Variants in RBPJ observed in about 807,000 individuals in gnomAD.
The protein encoded by RBPJ is recombining binding protein suppressor of hairless.
Under a neutral mutation model 67.8 loss-of-function variants are expected in RBPJ, and 9 were observed. That is an observed-to-expected ratio of 0.13 (90% confidence interval 0.08 to 0.23). The LOEUF is 0.23. Ranked by LOEUF, RBPJ falls within the 10% of genes least tolerant of loss-of-function variation. RBPJ has a pLI of 1.00. For missense variants in RBPJ, 305 were observed against 595.6 expected, an observed-to-expected ratio of 0.51 and a Z score of 5.08; for synonymous variants, 198 against 203.3, an observed-to-expected ratio of 0.97 and a Z score of 0.22.
intron 1 of RBPJ, among the ~76,000 whole-genome samples, chr4:26,250,967 C>A (rs775656653): frequency 6.6e-6 from 1 of 152,136 alleles, no homozygotes; most frequent in Non-Finnish European, 1.5e-5. Context: ...ATGATGTAAA[C>A]GCATTTCTTA....
chr4:26,197,380 AC>A (rs1235204414), intron 1 of RBPJ, among the ~76,000 whole-genome samples: 1 of 152,216 alleles, frequency 6.6e-6, no homozygotes, highest in Non-Finnish European at 1.5e-5. Context: ...ACCATCCAGT[AC>A]AGCTAAGGAA....
At chr4:26,260,351 G>A (rs1232675673) in intron 1 of RBPJ, among the ~76,000 whole-genome samples, 1 of 151,990 alleles carries the variant, frequency 6.6e-6, no homozygotes, top group Non-Finnish European at 1.5e-5. Flanking sequence ...AAAAATAAAG[G>A]GTCACTACTA....
At chr4:26,192,750 T>C (rs1717614074) in intron 1 of RBPJ, among the ~76,000 whole-genome samples, 1 of 152,162 alleles carries the variant, frequency 6.6e-6, no homozygotes, top group African/African-American at 2.4e-5. Context: ...CTCGCTGCCA[T>C]GTAAGCCCAT....
intron 3 of RBPJ, among the ~76,000 whole-genome samples, chr4:26,413,476 G>A (rs1015694924): frequency 6.6e-6 from 1 of 152,024 alleles, no homozygotes; most frequent in South Asian, 2.1e-4. Flanking sequence ...ATGAGGAGAG[G>A]AATTTTGTCT....
chr4:26,107,309 G>C, the RBPJ span, among the ~76,000 whole-genome samples: 1 of 152,212 alleles, frequency 6.6e-6, no homozygotes, highest in African/African-American at 2.4e-5. Flanking sequence ...AAGTGCCTTG[G>C]AAAGGAGAGG....
At chr4:26,133,531 C>T in the RBPJ span, among the ~76,000 whole-genome samples, 1 of 152,204 alleles carries the variant, frequency 6.6e-6, no homozygotes, top group Non-Finnish European at 1.5e-5. Flanking sequence ...CTGTTAGAAA[C>T]CAGGCCACAC....
intron 1 of RBPJ, among the ~76,000 whole-genome samples, chr4:26,335,617 CTTTTT>C (rs34386877): frequency 2.8e-5 from 3 of 107,842 alleles, no homozygotes; most frequent in African/African-American, 6.7e-5. Context: ...ATGCTTACTT[CTTTTT>C]TTTTTTTTTT....
the RBPJ span, among the ~76,000 whole-genome samples, chr4:26,115,680 AT>A: frequency 1.3e-5 from 2 of 152,130 alleles, no homozygotes; most frequent in African/African-American, 4.8e-5. Flanking sequence ...TAAGTGAGAT[AT>A]TATTTCACAA....
At chr4:26,187,201 AAC>A (rs1359881294) in intron 1 of RBPJ, among the ~76,000 whole-genome samples, 2 of 152,232 alleles carry the variant, frequency 1.3e-5, no homozygotes, top group Non-Finnish European at 2.9e-5. Context: ...CAGGCTGAGC[AAC>A]AGAGTGAGAC....
the RBPJ span, among the ~76,000 whole-genome samples, chr4:26,117,842 A>T: frequency 2.0e-5 from 3 of 152,308 alleles, no homozygotes; most frequent in East Asian, 1.9e-4. Context: ...GTGGAGACAG[A>T]TGTGGACATA....
At chr4:26,330,252 G>C (rs1180348696) in intron 1 of RBPJ, among the ~76,000 whole-genome samples, 1 of 152,182 alleles carries the variant, frequency 6.6e-6, no homozygotes, top group African/African-American at 2.4e-5. Context: ...TAATCTGTCA[G>C]TGAGCTTCAT....
the RBPJ span, among the ~76,000 whole-genome samples, chr4:26,154,827 T>A: frequency 6.6e-6 from 1 of 151,926 alleles, no homozygotes; most frequent in Non-Finnish European, 1.5e-5. Context: ...GGGGAAGAGG[T>A]GCCAGGCTCC....
At chr4:26,184,793 G>T (rs141490732) in intron 1 of RBPJ, among the ~76,000 whole-genome samples, 2 of 152,280 alleles carry the variant, frequency 1.3e-5, no homozygotes, top group East Asian at 1.9e-4. Context: ...ATAGTTTGTC[G>T]GAAGGCACAG....
chr4:26,325,665 C>T (rs1577440791), intron 1 of RBPJ, among the ~76,000 whole-genome samples: 3 of 152,196 alleles, frequency 2.0e-5, no homozygotes, highest in East Asian at 1.9e-4. Flanking sequence ...GCTACTGTGG[C>T]GCATAGGATC....
chr4:26,184,820 G>A (rs189856589), intron 1 of RBPJ, among the ~76,000 whole-genome samples: 1 of 152,314 alleles, frequency 6.6e-6, no homozygotes, highest in African/African-American at 2.4e-5. Context: ...ATACCAATCT[G>A]TCTATAAATG....
intron 1 of RBPJ, among the ~76,000 whole-genome samples, chr4:26,334,471 A>G (rs1724596529): frequency 1.3e-5 from 2 of 152,020 alleles, no homozygotes; most frequent in African/African-American, 2.4e-5. Context: ...TTGCATTGCA[A>G]CTTAAGTTTT....
chr4:26,268,033 A>G (rs1214879279), intron 1 of RBPJ, among the ~76,000 whole-genome samples: 5 of 152,218 alleles, frequency 3.3e-5, no homozygotes, highest in African/African-American at 9.6e-5. Flanking sequence ...TTTTTAAGGT[A>G]TAAGCTTTTA....
At chr4:26,225,458 G>A (rs537298096) in intron 1 of RBPJ, among the ~76,000 whole-genome samples, 7 of 152,302 alleles carry the variant, frequency 4.6e-5, no homozygotes, top group Middle Eastern at 3.4e-3. Flanking sequence ...AAAGGGAGAC[G>A]GATGAACAGG....
intron 1 of RBPJ, among the ~76,000 whole-genome samples, chr4:26,331,673 G>A (rs1423240656): frequency 6.6e-6 from 1 of 152,192 alleles, no homozygotes; most frequent in Non-Finnish European, 1.5e-5. Context: ...GGCCTCTTCA[G>A]GAACATAGTT....
Sources: gnomAD v4.1 joint callset for allele counts (sites outside exome capture counted in the v4.1 genomes callset) on GRCh38, gnomAD v4.1.1 for gene constraint, MANE v1.5 for transcripts, NCBI Gene and HGNC (gene_info 2026-07-23, HGNC 2026-07-21) for gene names.